The following UNC13B variants were observed in gnomAD, a reference collection of about 807,000 sequenced individuals.
UNC13B encodes the protein unc-13 homolog B, also known as protein unc-13 homolog B.
In UNC13B, 144 loss-of-function variants were observed where a neutral mutation model predicts 211.0. The ratio of observed to expected loss-of-function variants is 0.68; its 90% CI spans 0.60 to 0.78. The LOEUF (loss-of-function observed/expected upper bound fraction) is 0.78, where lower values mean the gene tolerates loss of function less well. Ranked by LOEUF, UNC13B falls within the 30% of genes least tolerant of loss-of-function variation. UNC13B has a pLI of 0.00. For synonymous variants in UNC13B, 709 were observed against 725.8 expected, an observed-to-expected ratio of 0.98 and a Z score of 0.37; for missense variants, 1,777 against 2,002.0, an observed-to-expected ratio of 0.89 and a Z score of 2.14.
chr9:35,363,416 T>A (rs1314821548), intron 11 of UNC13B, among the ~76,000 whole-genome samples: 1 of 152,182 alleles, frequency 6.6e-6, no homozygotes, highest in East Asian at 1.9e-4. Context: ...GGGGTTGAGA[T>A]GTAGATATGG....
intron 11 of UNC13B, among the ~76,000 whole-genome samples, chr9:35,359,783 C>G (rs1446822550): frequency 6.6e-6 from 1 of 152,190 alleles, no homozygotes; most frequent in East Asian, 1.9e-4. Context: ...TTTAAGCCAC[C>G]ATTTTCTCTC....
intron 7 of UNC13B, among the ~76,000 whole-genome samples, chr9:35,260,826 C>T (rs1827231117): frequency 6.6e-6 from 1 of 152,072 alleles, no homozygotes; most frequent in Non-Finnish European, 1.5e-5. Flanking sequence ...ATCTTTTAAA[C>T]CTTTTTCCAC....
At position 35,295,913 on chromosome 9, in the gene UNC13B, A is replaced by T; in HGVS notation, c.744A>T (p.Pro248=). The T allele has an allele frequency of 6.2e-7, 1 of 1,611,224 alleles. No individual in the cohort carries two copies. Among genetic ancestry groups the T allele is most frequent in the East Asian group, 2.2e-5 (1 of 44,856 alleles). The stretch of plus-strand genomic sequence containing the variant: ...TGCAAAGTTATGACCTTGATTATCC[A>T]GAGCGGCGGGCTATCAGGTGGGTAT... ...DSMQSYDLDY[P]ERRAIRYAQK... Residue 248 remains proline, a synonymous_variant, in exon 8 of 40, where the codon CCA becomes CCT. Transcript: ENST00000635942.
At chr9:35,309,320 GGTACCTAT>G (rs1830076451) in intron 9 of UNC13B, among the ~76,000 whole-genome samples, 2 of 151,678 alleles carry the variant, frequency 1.3e-5, no homozygotes, top group Non-Finnish European at 2.9e-5. Flanking sequence ...ACAGTGACCT[GGTACCTAT>G]TCTGCTGGCA....
At chr9:35,186,694 T>A (rs1339421569) in intron 1 of UNC13B, among the ~76,000 whole-genome samples, 5 of 152,092 alleles carry the variant, frequency 3.3e-5, no homozygotes, top group Non-Finnish European at 7.4e-5. Flanking sequence ...CTGATTTACA[T>A]AGGGCTCACA....
chr9:35,278,833 C>T (rs1470223462), intron 7 of UNC13B, among the ~76,000 whole-genome samples: 1 of 152,132 alleles, frequency 6.6e-6, no homozygotes, highest in Non-Finnish European at 1.5e-5. Context: ...TTTAGCCATA[C>T]AGTTTCTACC....
At chr9:35,249,542 G>A (rs1471768829) in intron 6 of UNC13B, among the ~76,000 whole-genome samples, 1 of 152,140 alleles carries the variant, frequency 6.6e-6, no homozygotes, top group South Asian at 2.1e-4. Context: ...CTCTTGTAGG[G>A]CATGCCTGGT....
At chr9:35,251,343 TG>T (rs1022621803) in intron 6 of UNC13B, among the ~76,000 whole-genome samples, 2 of 152,026 alleles carry the variant, frequency 1.3e-5, no homozygotes, top group Admixed American at 6.6e-5. Flanking sequence ...CCCAGCACTC[TG>T]GGGGGGCCGA....
In UNC13B at chr9:35,308,321, G is replaced by A. The variant is rs556086101; in HGVS notation, c.8917G>A (p.Glu2973Lys). 3 of 399,108 alleles carry A rather than the reference G, an allele frequency of 7.5e-6. No individual in the cohort carries two copies. In the East Asian group the frequency reaches 1.1e-4, roughly 14 times the overall value. 24.7% of individuals were successfully genotyped at this position (399,108 alleles called of 1,614,324 possible). Reference sequence around the variant, plus strand: ...ATTTCACCAGCTAGAAAAACAAGAAGAGGAGGCAGTACCTGCCAGTACTGA... The same window carrying A: ...ATTTCACCAGCTAGAAAAACAAGAAAAGGAGGCAGTACCTGCCAGTACTGA... ...EIFHQLEKQE[E>K]EAVPASTDSD... Residue 2973 changes from glutamate (E) to lysine (K), a missense_variant, in exon 9 of 40, where the codon GAG becomes AAG. Coordinates refer to ENST00000635942, the MANE Select transcript of UNC13B (RefSeq NM_001371189.2).
rs1343212910 is a variant in UNC13B at position 35,162,102 on chromosome 9, C to T, written c.-182C>T. 4.4e-6 allele frequency: 4 copies of T among 909,846 alleles called. No homozygotes were observed. The Admixed American group carries it at 9.2e-5, about 21-fold the overall frequency. The allele number at this position is 909,846 out of a possible 1,614,324, so 56.4% of individuals were successfully genotyped here. ...GGTACTCACCGCTACCCGGAGTTCG[C>T]TCAGACGGTGAGATTTGGGGCGGGT... On this transcript the variant is annotated 5_prime_UTR_variant, in exon 1 of 40. Transcript: ENST00000635942.
chr9:35,353,310 T>G, intron 11 of UNC13B: 1 of 1,232,210 alleles, frequency 8.1e-7, no homozygotes. Flanking sequence ...CGTTCTGCTC[T>G]GCAGGGTGTG....
intron 1 of UNC13B, among the ~76,000 whole-genome samples, chr9:35,169,633 G>C (rs1464076442): frequency 6.6e-6 from 1 of 152,124 alleles, no homozygotes; most frequent in Non-Finnish European, 1.5e-5. Context: ...CCTGCCCTTA[G>C]AGCAGAGCTG....
chr9:35,218,597 G>A (rs1045421334), intron 1 of UNC13B, among the ~76,000 whole-genome samples: 13 of 151,752 alleles, frequency 8.6e-5, no homozygotes, highest in East Asian at 5.8e-4. Context: ...GAGCCTCACC[G>A]TGTTTCCCAG....
chr9:35,233,350 C>A (rs554135484), intron 3 of UNC13B, among the ~76,000 whole-genome samples: 1 of 152,282 alleles, frequency 6.6e-6, no homozygotes, highest in African/African-American at 2.4e-5. Context: ...AGCACTTCCC[C>A]TTTTGACCCT....
chr9:35,266,245 A>G (rs987332369), intron 7 of UNC13B, among the ~76,000 whole-genome samples: 3 of 152,182 alleles, frequency 2.0e-5, no homozygotes, highest in African/African-American at 4.8e-5. Context: ...GTAGCACATC[A>G]TATGACTCTA....
At position 35,382,432 on chromosome 9, in the gene UNC13B, C is replaced by T. The variant is rs776948128; in HGVS notation, c.10731C>T (p.Ile3577=). 3 of 1,614,192 alleles carry T rather than the reference C, an allele frequency of 1.9e-6. No homozygotes were observed. Among genetic ancestry groups the T allele is most frequent in the South Asian group, 2.2e-5 (2 of 91,078 alleles). The change falls in exon 21 of 40, where the codon ATC becomes ATT. Residue 3577 remains isoleucine, a synonymous_variant. Transcript: ENST00000635942. The stretch of plus-strand genomic sequence containing the variant: ...TGATGAGCACCTTACTGGCCAACAT[C>T]AACGCCTACTATGCCCACACAACTG... ...PAVMSTLLAN[I]NAYYAHTTAS...
intron 11 of UNC13B, among the ~76,000 whole-genome samples, chr9:35,325,808 A>G (rs556718894): frequency 6.6e-6 from 1 of 152,278 alleles, no homozygotes; most frequent in East Asian, 1.9e-4. Flanking sequence ...ATTTCATACC[A>G]ATGGATTCCT....
At chr9:35,390,021 A>T in intron 25 of UNC13B, 48 bp downstream of exon 25, 1 of 1,606,768 alleles carries the variant, frequency 6.2e-7, no homozygotes, top group Non-Finnish European at 8.5e-7. Flanking sequence ...TGGTCTGTCC[A>T]TCTGTCTAAC....
At chr9:35,233,108 C>T (rs1482175025) in intron 3 of UNC13B, among the ~76,000 whole-genome samples, 1 of 152,144 alleles carries the variant, frequency 6.6e-6, no homozygotes, top group Admixed American at 6.5e-5. Context: ...CTGTTTCCTT[C>T]TTTACACATG....
Sources: gnomAD v4.1 joint callset for allele counts (sites outside exome capture counted in the v4.1 genomes callset) on GRCh38, gnomAD v4.1.1 for gene constraint, MANE v1.5 for transcripts, NCBI Gene and HGNC (gene_info 2026-07-23, HGNC 2026-07-21) for gene names.